Variants in RANBP2 observed in about 807,000 individuals in gnomAD.
The protein encoded by RANBP2 is E3 SUMO-protein ligase RanBP2.
RANBP2 carries 57 observed loss-of-function variants against 303.6 expected under a neutral mutation model. The ratio of observed to expected loss-of-function variants is 0.19; its 90% CI spans 0.15 to 0.23. The LOEUF is 0.23. Ranked by LOEUF, RANBP2 falls within the 10% of genes least tolerant of loss-of-function variation. The pLI is 1.00. For synonymous variants in RANBP2, 1,167 were observed against 1,301.5 expected, an observed-to-expected ratio of 0.90 and a Z score of 2.23; for missense variants, 3,138 against 3,780.8, an observed-to-expected ratio of 0.83 and a Z score of 4.46.
intron 23 of RANBP2, among the ~76,000 whole-genome samples, chr2:108,773,715 C>G (rs1677678022): frequency 6.6e-6 from 1 of 151,314 alleles, no homozygotes; most frequent in East Asian, 2.0e-4. Flanking sequence ...GGGGCGATCT[C>G]TGCTCGCTGC....
chr2:109,219,137 C>G, the RANBP2 span, among the ~76,000 whole-genome samples: 2 of 152,182 alleles, frequency 1.3e-5, no homozygotes, highest in Non-Finnish European at 2.9e-5. Context: ...CCACCTCTCT[C>G]GCTCACACCC....
At chr2:109,241,105 C>A in the RANBP2 span, among the ~76,000 whole-genome samples, 1 of 152,162 alleles carries the variant, frequency 6.6e-6, no homozygotes, top group East Asian at 1.9e-4. Context: ...GAATGAGAAG[C>A]TTCATTGTCT....
the RANBP2 span, chr2:109,733,199 T>C: frequency 2.4e-6 from 1 of 409,456 alleles, no homozygotes; most frequent in Non-Finnish European, 4.8e-6. Context: ...AAAAAAAAGC[T>C]GACTCCATCT....
At chr2:109,260,425 GT>G in the RANBP2 span, among the ~76,000 whole-genome samples, 2 of 152,224 alleles carry the variant, frequency 1.3e-5, no homozygotes, top group Non-Finnish European at 2.9e-5. Flanking sequence ...GCTTGGATGG[GT>G]TCAGGGCCAG....
At chr2:109,387,940 A>G in the RANBP2 span, among the ~76,000 whole-genome samples, 1 of 151,692 alleles carries the variant, frequency 6.6e-6, no homozygotes, top group Non-Finnish European at 1.5e-5. Flanking sequence ...ACTGGCCCAG[A>G]TTCCCAACCA....
the RANBP2 span, among the ~76,000 whole-genome samples, chr2:109,521,597 A>C: frequency 6.6e-6 from 1 of 152,194 alleles, no homozygotes; most frequent in African/African-American, 2.4e-5. Context: ...TTTTCACTGA[A>C]GTCTATTCTA....
chr2:108,840,317 G>C, the RANBP2 span, among the ~76,000 whole-genome samples: 1 of 151,886 alleles, frequency 6.6e-6, no homozygotes, highest in East Asian at 1.9e-4. Context: ...AACTCTCTTT[G>C]GTTTTGTATC....
At chr2:108,956,653 C>A in the RANBP2 span, among the ~76,000 whole-genome samples, 1 of 152,198 alleles carries the variant, frequency 6.6e-6, no homozygotes, top group Non-Finnish European at 1.5e-5. Context: ...ATCTGCTCAG[C>A]CACCTTCTTA....
the RANBP2 span, among the ~76,000 whole-genome samples, chr2:109,338,668 C>T: frequency 6.6e-6 from 1 of 152,212 alleles, no homozygotes; most frequent in Non-Finnish European, 1.5e-5. Flanking sequence ...GGCAGTTCTC[C>T]TGCCTCAGCC....
the RANBP2 span, among the ~76,000 whole-genome samples, chr2:109,402,191 G>A: frequency 1.3e-5 from 2 of 152,242 alleles, no homozygotes; most frequent in African/African-American, 4.8e-5. Flanking sequence ...GCTCTGCACT[G>A]CCTTCCTGGT....
chr2:109,602,137 C>G, the RANBP2 span, among the ~76,000 whole-genome samples: 2 of 152,156 alleles, frequency 1.3e-5, no homozygotes, highest in Non-Finnish European at 1.5e-5. Context: ...TACTACAGAG[C>G]TGATTTCCGT....
At chr2:109,086,271 G>T in the RANBP2 span, among the ~76,000 whole-genome samples, 3 of 152,234 alleles carry the variant, frequency 2.0e-5, no homozygotes, top group East Asian at 5.8e-4. Flanking sequence ...GAGGTTGTTG[G>T]GGGAGGGGGG....
chr2:109,504,262 TTGGG>T, the RANBP2 span: 1 of 152,240 alleles, frequency 6.6e-6, no homozygotes, highest in East Asian at 1.9e-4. Context: ...TGTAGTGGCC[TTGGG>T]GGGCCACAGA....
the RANBP2 span, among the ~76,000 whole-genome samples, chr2:109,056,853 C>G: frequency 6.6e-6 from 1 of 152,226 alleles, no homozygotes; most frequent in African/African-American, 2.4e-5. Flanking sequence ...AACAGTTGTA[C>G]ATGGTCCTCC....
the RANBP2 span, among the ~76,000 whole-genome samples, chr2:109,200,581 C>T: frequency 2.1e-4 from 32 of 152,286 alleles, no homozygotes; most frequent in African/African-American, 7.5e-4. Context: ...TAGGCACCGC[C>T]GACCTTTTCC....
chr2:109,566,594 C>A, the RANBP2 span, among the ~76,000 whole-genome samples: 1 of 151,878 alleles, frequency 6.6e-6, no homozygotes, highest in African/African-American at 2.4e-5. Flanking sequence ...AGATATGGTA[C>A]TAATATAAAG....
At chr2:109,156,300 T>C in the RANBP2 span, among the ~76,000 whole-genome samples, 2 of 152,244 alleles carry the variant, frequency 1.3e-5, no homozygotes, top group African/African-American at 4.8e-5. Context: ...CTTCAGTGTT[T>C]TCTCCGCCCC....
chr2:109,725,507 G>C, the RANBP2 span, among the ~76,000 whole-genome samples: 1 of 152,178 alleles, frequency 6.6e-6, no homozygotes, highest in Non-Finnish European at 1.5e-5. Context: ...CTGTAGGCTG[G>C]CATTTCTTGC....
the RANBP2 span, among the ~76,000 whole-genome samples, chr2:108,922,580 G>A: frequency 6.6e-6 from 1 of 152,138 alleles, no homozygotes; most frequent in Non-Finnish European, 1.5e-5. Context: ...TTCTTCTCCT[G>A]GACAACATTA....
Sources: allele counts gnomAD v4.1 joint callset (sites outside exome capture counted in the v4.1 genomes callset), GRCh38; gene constraint gnomAD v4.1.1; transcripts MANE v1.5; gene names NCBI Gene and HGNC (gene_info 2026-07-23, HGNC 2026-07-21).